Variants in ARHGEF37 observed in about 807,000 individuals in gnomAD.
ARHGEF37 encodes Rho guanine nucleotide exchange factor 37.
In ARHGEF37, 55 loss-of-function variants were observed where a neutral mutation model predicts 71.1. The observed-to-expected ratio is 0.77, with a 90% confidence interval of 0.62 to 0.97. ARHGEF37 has a LOEUF of 0.97. Ranked by LOEUF, ARHGEF37 falls within the 50% of genes least tolerant of loss-of-function variation. ARHGEF37 has a pLI of 0.00. For synonymous variants in ARHGEF37, 327 were observed against 350.6 expected, an observed-to-expected ratio of 0.93 and a Z score of 0.75; for missense variants, 765 against 836.8, an observed-to-expected ratio of 0.91 and a Z score of 1.06.
intron 1 of ARHGEF37, among the ~76,000 whole-genome samples, chr5:149,560,091 G>A (rs188814891): frequency 8.5e-4 from 130 of 152,178 alleles, no homozygotes; most frequent in Non-Finnish European, 1.5e-3. Context: ...ATGAGAAAAA[G>A]TAATCTCATG....
At chr5:149,599,199 G>A (rs1763679683) in intron 2 of ARHGEF37, among the ~76,000 whole-genome samples, 1 of 152,202 alleles carries the variant, frequency 6.6e-6, no homozygotes, top group Non-Finnish European at 1.5e-5. Flanking sequence ...TTAGGGAAGA[G>A]TTCCAAGAGC....
rs1419905730 is a variant in ARHGEF37 at position 149,554,970 on chromosome 5, A to G, written c.-12+2847A>G. Among the ~76,000 whole-genome samples the G allele has an allele frequency of 1.3e-5, 2 of 152,024 alleles. 1 individual carries two copies. The highest frequency in any genetic ancestry group is 1.3e-4 in the Admixed American group (2 of 15,252). ...TATGGTGAAACCCCGTCTATACTAA[A>G]AAGTACAAAAATTAGCCGGGCGTGG... On this transcript the variant is annotated intron_variant, in intron 1 of 2. Transcript: ENST00000505810.
At chr5:149,563,977 CAG>C (rs1762868266) in intron 1 of ARHGEF37, among the ~76,000 whole-genome samples, 1 of 110,148 alleles carries the variant, frequency 9.1e-6, no homozygotes, top group African/African-American at 3.7e-5. Flanking sequence ...TTTTTTGAGA[CAG>C]AGTCACTCTG....
intron 1 of ARHGEF37, among the ~76,000 whole-genome samples, chr5:149,587,155 G>A (rs1006315860): frequency 6.6e-6 from 1 of 152,170 alleles, no homozygotes. Flanking sequence ...TGGCTGAAAT[G>A]AGTCATGCCA....
At chr5:149,583,066 A>G (rs1763147948) in intron 1 of ARHGEF37, among the ~76,000 whole-genome samples, 1 of 152,220 alleles carries the variant, frequency 6.6e-6, no homozygotes, top group South Asian at 2.1e-4. Context: ...AGATACTGTA[A>G]CAAGGAGTGT....
intron 10 of ARHGEF37, among the ~76,000 whole-genome samples, chr5:149,626,689 A>G (rs1052643539): frequency 3.3e-5 from 5 of 152,188 alleles, no homozygotes; most frequent in African/African-American, 1.2e-4. Flanking sequence ...AAACCAGATG[A>G]ATAAGGTCTG....
At chr5:149,626,647 C>T (rs912178553) in intron 10 of ARHGEF37, among the ~76,000 whole-genome samples, 2 of 152,180 alleles carry the variant, frequency 1.3e-5, no homozygotes, top group African/African-American at 4.8e-5. Context: ...ATGTGAAATC[C>T]GCCATGTGCT....
intron 1 of ARHGEF37, among the ~76,000 whole-genome samples, chr5:149,574,777 A>T (rs1454912606): frequency 6.6e-6 from 1 of 152,196 alleles, no homozygotes; most frequent in African/African-American, 2.4e-5. Context: ...CAGCCCAGGT[A>T]GTCATCTCCT....
At chr5:149,575,203 T>C (rs1487246687) in intron 1 of ARHGEF37, among the ~76,000 whole-genome samples, 2 of 152,244 alleles carry the variant, frequency 1.3e-5, no homozygotes, top group Non-Finnish European at 2.9e-5. Flanking sequence ...GCTAGTTTCA[T>C]ATTGTTATGC....
chr5:149,584,213 G>T (rs1225479126), intron 1 of ARHGEF37, among the ~76,000 whole-genome samples: 1 of 152,166 alleles, frequency 6.6e-6, no homozygotes, highest in Admixed American at 6.5e-5. Flanking sequence ...AAACTGTGTT[G>T]TCTCCTTCCT....
At chr5:149,561,174 G>A (rs570861981) in intron 1 of ARHGEF37, among the ~76,000 whole-genome samples, 7 of 151,092 alleles carry the variant, frequency 4.6e-5, no homozygotes, top group Admixed American at 1.3e-4. Flanking sequence ...TCGGGAGGCT[G>A]AGGCAGGAGA....
At chr5:149,616,989 C>G (rs1752400847) in intron 5 of ARHGEF37, among the ~76,000 whole-genome samples, 1 of 152,220 alleles carries the variant, frequency 6.6e-6, no homozygotes, top group Admixed American at 6.5e-5. Flanking sequence ...CATCTTCAGG[C>G]TGGCTTGCCT....
At chr5:149,571,844 C>T (rs904773520) in intron 1 of ARHGEF37, among the ~76,000 whole-genome samples, 1 of 141,474 alleles carries the variant, frequency 7.1e-6, no homozygotes, top group African/African-American at 2.7e-5. Context: ...GAGATCGAGG[C>T]TGCAGTGAGC....
intron 3 of ARHGEF37, among the ~76,000 whole-genome samples, chr5:149,606,299 G>A (rs1763912004): frequency 6.7e-6 from 1 of 149,182 alleles, no homozygotes; most frequent in Non-Finnish European, 1.5e-5. Context: ...GTCATGTTCT[G>A]TCTGGCTCTA....
chr5:149,570,160 A>G (rs1229060778), intron 1 of ARHGEF37, among the ~76,000 whole-genome samples: 1 of 152,238 alleles, frequency 6.6e-6, no homozygotes, highest in African/African-American at 2.4e-5. Flanking sequence ...ATGAATTTTT[A>G]AAACACCTAC....
At chr5:149,552,551 A>T (rs1282256165) in intron 1 of ARHGEF37, among the ~76,000 whole-genome samples, 3 of 152,186 alleles carry the variant, frequency 2.0e-5, no homozygotes, top group Non-Finnish European at 4.4e-5. Flanking sequence ...TAAAATAGAA[A>T]TGGGGGGCGG....
At chr5:149,552,202 G>A (rs1762685717) in intron 1 of ARHGEF37, 1 of 101,426 alleles carries the variant, frequency 9.9e-6, no homozygotes, top group African/African-American at 4.1e-5. Context: ...AAACTGTTAT[G>A]TCCCCTCAAC....
chr5:149,597,260 TAAA>T (rs71587781), intron 1 of ARHGEF37, among the ~76,000 whole-genome samples: 19 of 151,570 alleles, frequency 1.3e-4, no homozygotes, highest in South Asian at 1.3e-3. Context: ...AATTATCTAT[TAAA>T]AAAAAATTTT....
chr5:149,580,353 G>A (rs144134621), upstream of ARHGEF37, among the ~76,000 whole-genome samples: 10 of 152,108 alleles, frequency 6.6e-5, no homozygotes, highest in South Asian at 2.1e-4. Context: ...GAGCCACCGC[G>A]CCCGGCACCC....
Sources: allele counts gnomAD v4.1 joint callset (sites outside exome capture counted in the v4.1 genomes callset), GRCh38; gene constraint gnomAD v4.1.1; transcripts MANE v1.5; gene names NCBI Gene and HGNC (gene_info 2026-07-23, HGNC 2026-07-21).